The following SAXO1 variants were observed in gnomAD, a reference collection of about 807,000 sequenced individuals.
SAXO1 encodes 4930500O09Rik.
SAXO1 carries 21 observed loss-of-function variants against 17.5 expected under a neutral mutation model. That is an observed-to-expected ratio of 1.20 (90% CI 0.85 to 1.72). SAXO1 has a LOEUF of 1.72. SAXO1 is among the 40% of genes most tolerant of loss of function. SAXO1 has a pLI of 0.00. For missense variants in SAXO1, 843 were observed against 596.0 expected (o/e 1.41, Z -4.32); for synonymous variants, 274 against 216.5 (o/e 1.27, Z -2.33).
At chr9:19,045,931 T>C (rs1836202530) in intron 1 of SAXO1, among the ~76,000 whole-genome samples, 1 of 151,976 alleles carries the variant, frequency 6.6e-6, no homozygotes. Context: ...CTACTAAAAA[T>C]ACAAAAGTAG....
intron 3 of SAXO1, among the ~76,000 whole-genome samples, chr9:18,939,957 T>A (rs1441787068): frequency 6.6e-6 from 1 of 152,208 alleles, no homozygotes; most frequent in African/African-American, 2.4e-5. Flanking sequence ...ACTGGAGATA[T>A]GCTCAGGTGT....
intron 1 of SAXO1, among the ~76,000 whole-genome samples, chr9:19,007,919 T>G (rs186561658): frequency 6.6e-6 from 1 of 152,094 alleles, no homozygotes; most frequent in Non-Finnish European, 1.5e-5. Flanking sequence ...CAGAGTTGAA[T>G]AGTCACAACA....
chr9:19,023,833 G>A (rs1290557198), intron 1 of SAXO1, among the ~76,000 whole-genome samples: 1 of 151,580 alleles, frequency 6.6e-6, no homozygotes, highest in Non-Finnish European at 1.5e-5. Context: ...GAAGGAAAGG[G>A]AGGAAAGGAA....
rs561170249 is a variant in SAXO1 at position 18,938,209 on chromosome 9, A to C, written c.421+3428T>G. 6.6e-5 allele frequency among the ~76,000 whole-genome samples: 10 copies of C among 152,348 alleles called. No homozygotes were observed. The South Asian group carries it at 1.7e-3, about 25-fold the overall frequency. ...CTGAGGAAGAAAATAGGATTTTCTC[A>C]ATTTTAACTTTGTCAGTAGGGAAGT... On this transcript the variant is annotated intron_variant, in intron 3 of 3. Coordinates refer to ENST00000380534, the MANE Select transcript of SAXO1 (RefSeq NM_153707.4).
chr9:18,994,516 A>G (rs1354731401), intron 1 of SAXO1, among the ~76,000 whole-genome samples: 1 of 152,128 alleles, frequency 6.6e-6, no homozygotes, highest in African/African-American at 2.4e-5. Context: ...TCTCTCCAAA[A>G]CAAGCAAAAG....
intron 3 of SAXO1, among the ~76,000 whole-genome samples, chr9:18,938,559 G>A (rs191137229): frequency 2.4e-4 from 36 of 151,958 alleles, no homozygotes; most frequent in East Asian, 9.7e-4. Flanking sequence ...ATCAAAAACC[G>A]CCCCCATTAT....
At chr9:19,002,003 A>T (rs1003801092) in intron 1 of SAXO1, among the ~76,000 whole-genome samples, 1 of 152,214 alleles carries the variant, frequency 6.6e-6, no homozygotes, top group African/African-American at 2.4e-5. Context: ...CACTAGCCAG[A>T]CTAATAAAGA....
At chr9:19,018,004 C>CA (rs1563984133) in intron 1 of SAXO1, among the ~76,000 whole-genome samples, 3 of 152,038 alleles carry the variant, frequency 2.0e-5, no homozygotes, top group Admixed American at 2.0e-4. Context: ...CTCATCTCTA[C>CA]AAAAAATACA....
At chr9:19,025,450 A>G (rs1835435405) in intron 1 of SAXO1, among the ~76,000 whole-genome samples, 1 of 152,192 alleles carries the variant, frequency 6.6e-6, no homozygotes, top group Non-Finnish European at 1.5e-5. Context: ...ATATGAAGAA[A>G]ATATTTTCCA....
intron 1 of SAXO1, among the ~76,000 whole-genome samples, chr9:19,023,123 C>G (rs1835316326): frequency 6.7e-6 from 1 of 148,788 alleles, no homozygotes; most frequent in African/African-American, 2.5e-5. Context: ...ATCAAGCCCC[C>G]CAAACACCAG....
chr9:18,987,602 C>G (rs1016351554), intron 1 of SAXO1, among the ~76,000 whole-genome samples: 1 of 152,048 alleles, frequency 6.6e-6, no homozygotes, highest in Non-Finnish European at 1.5e-5. Flanking sequence ...AGCAAAAACT[C>G]GATTCTCTTC....
At chr9:18,962,922 AT>A (rs1426959118) in intron 1 of SAXO1, among the ~76,000 whole-genome samples, 1 of 151,910 alleles carries the variant, frequency 6.6e-6, no homozygotes, top group Non-Finnish European at 1.5e-5. Flanking sequence ...TAGGGTTTTT[AT>A]GGTTTTACGT....
chr9:18,949,728 T>A (rs1441973217), intron 2 of SAXO1, among the ~76,000 whole-genome samples: 1 of 152,204 alleles, frequency 6.6e-6, no homozygotes, highest in Non-Finnish European at 1.5e-5. Context: ...GAAGGCAGAA[T>A]GAATTAGAAT....
chr9:19,002,973 T>A (rs2130963403), intron 1 of SAXO1, among the ~76,000 whole-genome samples: 1 of 152,342 alleles, frequency 6.6e-6, no homozygotes, highest in East Asian at 1.9e-4. Context: ...GCATATGACA[T>A]GACTATATAT....
chr9:19,007,112 G>T (rs1370654874), intron 1 of SAXO1, among the ~76,000 whole-genome samples: 2 of 151,764 alleles, frequency 1.3e-5, no homozygotes, highest in Non-Finnish European at 2.9e-5. Flanking sequence ...ACTTTGGGAG[G>T]CCGAGGCGGG....
At chr9:18,987,800 G>A (rs1310152501) in intron 1 of SAXO1, among the ~76,000 whole-genome samples, 2 of 152,016 alleles carry the variant, frequency 1.3e-5, no homozygotes, top group African/African-American at 4.8e-5. Flanking sequence ...GGAAGGCTGA[G>A]GTGAAAGGAT....
chr9:19,027,777 A>G, intron 1 of SAXO1: 1 of 1,507,212 alleles, frequency 6.6e-7, no homozygotes, highest in Non-Finnish European at 9.1e-7. Context: ...GAGCTTCTGA[A>G]CCAGCTGGAT....
At chr9:18,950,659 C>T (rs1180927151) in intron 2 of SAXO1, 99 bp downstream of exon 2, 3 of 1,015,678 alleles carry the variant, frequency 3.0e-6, no homozygotes, top group Middle Eastern at 2.2e-4. Flanking sequence ...CACATTAATG[C>T]ATTAGCACTG....
chr9:18,949,167 G>T lies in SAXO1; in HGVS notation c.218+1591C>A, dbSNP rs146979146. On this transcript the variant is annotated intron_variant, in intron 2 of 3. Coordinates refer to ENST00000380534, the MANE Select transcript of SAXO1 (RefSeq NM_153707.4). ...TAAGTCATAGGTTGAAAAAACAGCA[G>T]CATAAACTACAATGTTTTAATACAT... Among the ~76,000 whole-genome samples the T allele has an allele frequency of 3.5e-4, 53 of 152,304 alleles. No individual in the cohort carries two copies. The East Asian group carries it at 6.6e-3, about 19-fold the overall frequency.
Sources: allele counts gnomAD v4.1 joint callset (sites outside exome capture counted in the v4.1 genomes callset), GRCh38; gene constraint gnomAD v4.1.1; transcripts MANE v1.5; gene names NCBI Gene and HGNC (gene_info 2026-07-23, HGNC 2026-07-21).